FLACC1: variants seen among roughly 807,000 people sequenced by gnomAD.
FLACC1 encodes the protein flagellum associated containing coiled-coil domains 1, also known as flagellum-associated coiled-coil domain-containing protein 1.
In FLACC1, 66 loss-of-function variants were observed where a neutral mutation model predicts 62.8. The observed-to-expected ratio is 1.05, with a 90% CI of 0.86 to 1.29. The LOEUF (loss-of-function observed/expected upper bound fraction) is 1.29, where lower values mean the gene tolerates loss of function less well. FLACC1 is among the 50% of genes most tolerant of loss of function. The pLI is 0.00. For missense variants in FLACC1, 452 were observed against 489.1 expected, an observed-to-expected ratio of 0.92 and a Z score of 0.71; for synonymous variants, 156 against 161.0, an observed-to-expected ratio of 0.97 and a Z score of 0.24.
At chr2:201,329,171 A>C (rs1316623180) in intron 9 of FLACC1, among the ~76,000 whole-genome samples, 2 of 152,250 alleles carry the variant, frequency 1.3e-5, no homozygotes, top group South Asian at 2.1e-4. Flanking sequence ...GAAGACATAC[A>C]GTGGTCAGAA....
rs1950909423 is a variant in FLACC1, at chr2:201,346,145, GC to G, written c.368+396del. ...GTGCCACTAAACTCCAGCCTGGGTG[GC>G]AGAGAGAGACTCTGTCTCAAAAAAA... On this transcript the variant is annotated intron_variant, in intron 5 of 14. Coordinates refer to ENST00000392257, the MANE Select transcript of FLACC1 (RefSeq NM_001127391.3). The surrounding 1 kb of genome is among the most constrained non-coding windows in gnomAD (Gnocchi z 4.0). Among the ~76,000 whole-genome samples, 1 of 151,936 alleles carries G rather than the reference GC, an allele frequency of 6.6e-6. No individual in the cohort carries two copies. The highest frequency in any genetic ancestry group is 1.9e-4 in the East Asian group (1 of 5,186).
rs1559380121 is a variant in FLACC1, at chr2:201,288,790, AGAAAG to A, written c.1143-14_1143-10del. On this transcript the variant is annotated splice_polypyrimidine_tract_variant and intron_variant, in intron 14 of 14. Coordinates refer to ENST00000392257, the MANE Select transcript of FLACC1 (RefSeq NM_001127391.3). ...TAGAAATTATCTTTTGCCTGTAAAA[AGAAAG>A]GAAAGATGTATCAATGTCAACTCAA... is the stretch of plus-strand genomic sequence containing the variant. 2 of 1,612,388 alleles carry A rather than the reference AGAAAG, an allele frequency of 1.2e-6. No individual in the cohort carries two copies. The highest frequency in any genetic ancestry group is 2.2e-5 in the East Asian group (1 of 44,872).
intron 11 of FLACC1, among the ~76,000 whole-genome samples, chr2:201,302,571 C>A (rs1009499337): frequency 9.2e-5 from 14 of 152,168 alleles, no homozygotes; most frequent in Non-Finnish European, 2.1e-4. Flanking sequence ...CAGCTCTGCA[C>A]CAAGTGGACC....
chr2:201,309,197 C>G lies in FLACC1; in HGVS notation c.729G>C (p.Trp243Cys). 6.2e-7 allele frequency: 1 copy of G among 1,614,120 alleles called. No homozygotes were observed. The highest frequency in any genetic ancestry group is 8.5e-7 in the Non-Finnish European group (1 of 1,179,994). ...EEKWSKQKAKWKKDEKFEREN... is the reference protein window; with the variant it reads ...EEKWSKQKAKCKKDEKFEREN... ...CTCGCTCGAACTTCTCATCCTTCTT[C>G]CATTTCGCCTTCTGTTTTGACCACT... Residue 243 changes from tryptophan to cysteine, a missense_variant, in exon 10 of 15, where the codon TGG becomes TGC. Physicochemically the swap from Trp to Cys is radical, Grantham distance 215. Around this residue, in one of 3 missense-constraint regions of FLACC1, gnomAD observed 301 missense variants for 318.4 expected, o/e 0.95. Transcript: ENST00000392257.
Position 201,351,444 on chromosome 2 carries a change from G to A in FLACC1, c.-40C>T, listed in dbSNP as rs762050211. 8.3e-6 allele frequency: 12 copies of A among 1,453,782 alleles called. No homozygotes were observed. Among genetic ancestry groups the A allele is most frequent in the South Asian group, 1.2e-5 (1 of 86,452 alleles). 90.1% of individuals were successfully genotyped at this position (1,453,782 alleles called of 1,614,324 possible). ...GGGAGTCTTGGCTGCTAGATCAGGA[G>A]GCTCTTGCTGAAATTGAAAAACAAC... On this transcript the variant is annotated 5_prime_UTR_variant, in exon 2 of 15. Transcript: ENST00000392257.
intron 12 of FLACC1, among the ~76,000 whole-genome samples, chr2:201,294,321 C>T (rs1480625784): frequency 1.3e-5 from 2 of 152,182 alleles, no homozygotes; most frequent in Admixed American, 6.5e-5. Flanking sequence ...AGCTTATCCA[C>T]CATGATCAAG....
At chr2:201,360,147 G>A (rs1198595626), upstream of FLACC1, among the ~76,000 whole-genome samples, 1 of 152,170 alleles carries the variant, frequency 6.6e-6, no homozygotes, top group East Asian at 1.9e-4. Flanking sequence ...CTGAGGAGAA[G>A]GAAATGAAGG....
chr2:201,335,313 C>T lies in FLACC1; in HGVS notation c.525-4480G>A, dbSNP rs537627780. Among the ~76,000 whole-genome samples the T allele has an allele frequency of 4.1e-4, 62 of 152,202 alleles. 1 individual carries two copies. The South Asian group carries it at 0.013, about 31-fold the overall frequency. ...TTTGATCTTTATTATTTTCTTTCTT[C>T]AGCATACTTTGGGCTTATTTCGTTC... On this transcript the variant is annotated intron_variant, in intron 7 of 14. Coordinates refer to ENST00000392257, the MANE Select transcript of FLACC1 (RefSeq NM_001127391.3).
At chr2:201,321,371 C>G (rs535520418) in intron 9 of FLACC1, among the ~76,000 whole-genome samples, 3 of 152,310 alleles carry the variant, frequency 2.0e-5, no homozygotes, top group African/African-American at 7.2e-5. Flanking sequence ...ATAATCCAGA[C>G]AGCAGGACTT....
At chr2:201,355,358 G>T (rs76370124) in intron 1 of FLACC1, among the ~76,000 whole-genome samples, 7,941 of 152,200 alleles carry the variant, frequency 0.052, 424 homozygotes, top group East Asian at 0.21. Context: ...CCAAAATGTT[G>T]TAATCGTCAT....
In FLACC1 at chr2:201,289,752, T is replaced by C; in HGVS notation, c.976A>G (p.Ile326Val). 6.2e-7 allele frequency: 1 copy of C among 1,614,180 alleles called. No homozygotes were observed. The highest frequency in any genetic ancestry group is 8.5e-7 in the Non-Finnish European group (1 of 1,180,030). Reference sequence around the variant, plus strand: ...AGGTTTGTGTTCAGTGACTCTAGGATAAGGGCTTGTGCATGCAATTCTTCC... The same window carrying C: ...AGGTTTGTGTTCAGTGACTCTAGGACAAGGGCTTGTGCATGCAATTCTTCC... The part of the protein sequence containing the change: ...MQEELHAQAL[I>V]LESLNTNLYY... Residue 326 changes from isoleucine to valine, a missense_variant, in exon 13 of 15, where the codon ATC becomes GTC. This residue lies in a region of FLACC1 where 301 missense variants were observed against 318.4 expected (regional missense o/e 0.95). Coordinates refer to ENST00000392257, the MANE Select transcript of FLACC1 (RefSeq NM_001127391.3).
chr2:201,348,169 G>A (rs1025423023), intron 4 of FLACC1, 85 bp downstream of exon 4: 8 of 1,325,224 alleles, frequency 6.0e-6, no homozygotes, highest in Admixed American at 4.3e-5. Flanking sequence ...GACAAGGTAA[G>A]TATAAAAATG....
intron 5 of FLACC1, 132 bp from the exon 6 acceptor site, chr2:201,344,395 A>G: frequency 1.4e-6 from 1 of 705,980 alleles, no homozygotes; most frequent in South Asian, 1.6e-5. Context: ...CACCTGCTCT[A>G]TCATTATGGG....
intron 11 of FLACC1, among the ~76,000 whole-genome samples, chr2:201,300,470 C>G (rs1949957617): frequency 6.6e-6 from 1 of 152,184 alleles, no homozygotes; most frequent in African/African-American, 2.4e-5. Flanking sequence ...GGAGGCCTGC[C>G]TGCCTCTGTA....
At chr2:201,342,515 TATGGGGCACAGCCGCCTTCCAATTC>T (rs1160435400) in intron 6 of FLACC1, 84 bp from the exon 7 acceptor site, 4 of 1,390,594 alleles carry the variant, frequency 2.9e-6, no homozygotes, top group East Asian at 2.3e-5. Flanking sequence ...CCTTCCAATT[TATGGGGCACAGCCGCCTTCCAATTC>T]ATGGGGCACA....
intron 9 of FLACC1, among the ~76,000 whole-genome samples, chr2:201,325,382 G>GA (rs1197543910): frequency 4.0e-5 from 6 of 151,880 alleles, no homozygotes; most frequent in Admixed American, 6.6e-5. Flanking sequence ...CTGGTTCTTT[G>GA]AAAAAATAAA....
intron 9 of FLACC1, among the ~76,000 whole-genome samples, chr2:201,313,958 A>T (rs1950264108): frequency 6.6e-6 from 1 of 152,210 alleles, no homozygotes; most frequent in Non-Finnish European, 1.5e-5. Context: ...TCCTAAAAAG[A>T]GATAACAATC....
chr2:201,345,338 T>C (rs1220938634), intron 5 of FLACC1, among the ~76,000 whole-genome samples: 1 of 152,144 alleles, frequency 6.6e-6, no homozygotes, highest in Admixed American at 6.5e-5. Context: ...CATGGCCTCA[T>C]TCTACTTGAG....
intron 11 of FLACC1, among the ~76,000 whole-genome samples, chr2:201,303,451 C>G (rs1030390456): frequency 1.1e-4 from 17 of 152,114 alleles, no homozygotes; most frequent in Admixed American, 9.8e-4. Context: ...GCCTACCAAC[C>G]AAAAAAAGTC....
Sources: gnomAD v4.1 joint callset for allele counts (sites outside exome capture counted in the v4.1 genomes callset) on GRCh38, gnomAD v4.1.1 for gene constraint, gnomAD v4.1.1 regional missense constraint, Gnocchi (gnomAD v3.1) non-coding constraint, MANE v1.5 for transcripts, NCBI Gene and HGNC (gene_info 2026-07-23, HGNC 2026-07-21) for gene names.